NOL10: variants seen among roughly 807,000 people sequenced by gnomAD.
NOL10 encodes nucleolar protein 10, also known as H_NH0074G24.1.
NOL10 carries 58 observed loss-of-function variants against 103.5 expected under a neutral mutation model. The ratio of observed to expected loss-of-function variants is 0.56; its 90% CI spans 0.45 to 0.70. The LOEUF is 0.70. Among genes scored for constraint, NOL10 ranks in the 30% least tolerant of loss-of-function variants. NOL10 has a pLI of 0.00. For missense variants in NOL10, 763 were observed against 807.3 expected (o/e 0.95, Z 0.67); for synonymous variants, 287 against 282.5 (o/e 1.02, Z -0.16).
intron 3 of NOL10, among the ~76,000 whole-genome samples, chr2:10,676,467 C>T (rs1170363501): frequency 2.0e-5 from 3 of 152,186 alleles, no homozygotes; most frequent in Admixed American, 1.3e-4. Flanking sequence ...GGGAATATTA[C>T]ATAGCCCATA....
At position 10,607,224 on chromosome 2, in the gene NOL10, C is replaced by A. The variant is rs1676308396; in HGVS notation, c.1114G>T (p.Asp372Tyr). Residue 372 changes from aspartate (D) to tyrosine (Y), a missense_variant, in exon 14 of 21, where the codon GAT becomes TAT. Coordinates refer to ENST00000381685, the MANE Select transcript of NOL10 (RefSeq NM_024894.4). The part of the protein sequence containing the change: ...EENPESTVYD[D>Y]YKFVTKKDLE... Reference sequence around the variant, plus strand: ...TCTTTCTTGGTGACAAATTTATAATCATCATAGACTGTGCTTTCTGGATTC... The same window carrying A: ...TCTTTCTTGGTGACAAATTTATAATAATCATAGACTGTGCTTTCTGGATTC... 6.2e-7 allele frequency: 1 copy of A among 1,601,072 alleles called. No homozygotes were observed. The highest frequency in any genetic ancestry group is 1.1e-5 in the South Asian group (1 of 88,954).
intron 8 of NOL10, 58 bp downstream of exon 8, chr2:10,667,160 A>C: frequency 7.6e-7 from 1 of 1,308,602 alleles, no homozygotes; most frequent in Non-Finnish European, 1.1e-6. Context: ...TCTTTAAATA[A>C]AAATTCCAAT....
intron 13 of NOL10, among the ~76,000 whole-genome samples, chr2:10,621,608 T>C (rs1677153206): frequency 6.6e-6 from 1 of 151,856 alleles, no homozygotes; most frequent in Non-Finnish European, 1.5e-5. Flanking sequence ...ATAATAAAAA[T>C]AAAAATTAAC....
At chr2:10,590,772 AACTTACCTGTTC>A (rs1401335472) in intron 17 of NOL10, 2 of 152,242 alleles carry the variant, frequency 1.3e-5, no homozygotes, top group Non-Finnish European at 2.9e-5. Context: ...CTGTACTGTA[AACTTACCTGTTC>A]ACTTAAGTAG....
chr2:10,629,944 T>C (rs1677728692), intron 13 of NOL10, among the ~76,000 whole-genome samples: 1 of 152,176 alleles, frequency 6.6e-6, no homozygotes, highest in Admixed American at 6.5e-5. Context: ...CATACCACCA[T>C]GCCCAGCTAA....
intron 17 of NOL10, among the ~76,000 whole-genome samples, chr2:10,598,016 C>T (rs1159461609): frequency 6.6e-6 from 1 of 152,170 alleles, no homozygotes; most frequent in African/African-American, 2.4e-5. Flanking sequence ...CTGGAGATAA[C>T]AGAAAGGCAA....
At chr2:10,652,885 C>T (rs550147835) in intron 12 of NOL10, among the ~76,000 whole-genome samples, 7 of 152,282 alleles carry the variant, frequency 4.6e-5, no homozygotes, top group African/African-American at 1.2e-4. Flanking sequence ...AAGAATCCAC[C>T]GGGAAGTGTG....
Position 10,662,947 on chromosome 2 carries a change from A to T in NOL10, c.677+12T>A. ...TGATGAACATTTACATTGCAAATTA[A>T]TTTCTACTTACTCTGAATCTGCTGT... On this transcript the variant is annotated intron_variant, in intron 9 of 20. Coordinates refer to ENST00000381685, the MANE Select transcript of NOL10 (RefSeq NM_024894.4). The T allele has an allele frequency of 1.9e-6, 3 of 1,601,398 alleles. No homozygotes were observed. The highest frequency in any genetic ancestry group is 2.6e-6 in the Non-Finnish European group (3 of 1,168,878).
chr2:10,580,486 A>C (rs1674690638), intron 19 of NOL10, among the ~76,000 whole-genome samples: 1 of 152,086 alleles, frequency 6.6e-6, no homozygotes, highest in African/African-American at 2.4e-5. Flanking sequence ...ATCTAATTGG[A>C]ACAAGCAGAT....
At position 10,681,991 on chromosome 2, in the gene NOL10, C is replaced by A; in HGVS notation, c.191G>T (p.Gly64Val). The change falls in exon 3 of 21, where the codon GGA becomes GTA. Residue 64 changes from glycine (G) to valine (V), a missense_variant. Physicochemically the swap from Gly to Val is moderately radical, Grantham distance 109. Transcript: ENST00000381685. ...VCTTIKVSKD[G>V]QYILATGTYK... Reference sequence around the variant, plus strand: ...CTTACCAGTTGCTAAAATGTACTGTCCATCTTTTGACACCTTAATAGTGGT... The same window carrying A: ...CTTACCAGTTGCTAAAATGTACTGTACATCTTTTGACACCTTAATAGTGGT... 1 of 1,472,622 alleles carries A rather than the reference C, an allele frequency of 6.8e-7. No individual in the cohort carries two copies. Among genetic ancestry groups the A allele is most frequent in the Non-Finnish European group, 9.1e-7 (1 of 1,101,220 alleles). 91.2% of individuals were successfully genotyped at this position (1,472,622 alleles called of 1,614,324 possible). A position where few individuals can be genotyped will look rare whatever the true frequency, so the allele number is the denominator to read the frequency against.
Position 10,596,256 on chromosome 2 carries a change from T to C in NOL10, c.1422+4597A>G, listed in dbSNP as rs58633964. Among the ~76,000 whole-genome samples the C allele has an allele frequency of 7.1e-3, 142 of 19,920 alleles. 21 individuals carry two copies. The highest frequency in any genetic ancestry group is 0.021 in the African/African-American group (110 of 5,352). The allele number at this position is 19,920 out of a possible 152,430, so 13.1% of individuals were successfully genotyped here. On this transcript the variant is annotated intron_variant, in intron 17 of 20. Transcript: ENST00000381685. ...AAGACAAGTTTTCCACAGATGGTGGTGGGGGGCGGGGGGCGGGCGCGAGGG... is the reference window on the plus strand; with the variant it reads ...AAGACAAGTTTTCCACAGATGGTGGCGGGGGGCGGGGGGCGGGCGCGAGGG...
rs570702765 is a variant in NOL10, at chr2:10,660,720, G to C, written c.678-1470C>G. 3.9e-5 allele frequency among the ~76,000 whole-genome samples: 6 copies of C among 151,918 alleles called. No homozygotes were observed. The East Asian group carries it at 1.2e-3, about 29-fold the overall frequency. ...AGTGCTGACAAGGTCACTGATTTTT[G>C]AACATTTTATAACCAATTTATTTAA... On this transcript the variant is annotated intron_variant, in intron 9 of 20. Transcript: ENST00000381685.
At position 10,607,229 on chromosome 2, in the gene NOL10, T is replaced by C. The variant is rs761396603; in HGVS notation, c.1109A>G (p.Tyr370Cys). ...ELEENPESTV[Y>C]DDYKFVTKKD... Reference sequence around the variant, plus strand: ...CTTGGTGACAAATTTATAATCATCATAGACTGTGCTTTCTGGATTCTCTTC... The same window carrying C: ...CTTGGTGACAAATTTATAATCATCACAGACTGTGCTTTCTGGATTCTCTTC... Residue 370 changes from tyrosine to cysteine, a missense_variant, in exon 14 of 21, where the codon TAT (tyrosine) becomes TGT (cysteine). Physicochemically the swap from Tyr to Cys is radical, Grantham distance 194 (BLOSUM62 -2). Coordinates refer to ENST00000381685, the MANE Select transcript of NOL10 (RefSeq NM_024894.4). The C allele has an allele frequency of 4.4e-6, 7 of 1,607,600 alleles. No individual in the cohort carries two copies. The Admixed American group carries it at 5.1e-5, about 12-fold the overall frequency.
intron 6 of NOL10, among the ~76,000 whole-genome samples, chr2:10,671,274 T>A (rs1179564514): frequency 6.6e-6 from 1 of 152,202 alleles, no homozygotes. Flanking sequence ...ATGAGGCACA[T>A]AACTATCACA....
chr2:10,665,722 A>C (rs995614115), intron 8 of NOL10, among the ~76,000 whole-genome samples: 20 of 152,214 alleles, frequency 1.3e-4, no homozygotes, highest in African/African-American at 4.8e-4. Flanking sequence ...TTTCTCAGGG[A>C]AACTCTTGTA....
At chr2:10,675,895 A>C (rs1224045588) in intron 3 of NOL10, 24 bp from the exon 4 acceptor site, 22 of 1,318,580 alleles carry the variant, frequency 1.7e-5, no homozygotes, top group African/African-American at 2.9e-5. Context: ...ATGTGATGTA[A>C]AACCTAAAGA....
intron 13 of NOL10, among the ~76,000 whole-genome samples, chr2:10,638,780 A>C: frequency 1.6e-5 from 2 of 121,358 alleles, no homozygotes; most frequent in Admixed American, 9.4e-5. Context: ...CGTTTGAGCC[A>C]CCGTGCCTGG....
At position 10,607,266 on chromosome 2, in the gene NOL10, T is replaced by A. The variant is rs201230711; in HGVS notation, c.1072A>T (p.Thr358Ser). Residue 358 changes from threonine (T) to serine (S), a missense_variant, in exon 14 of 21, where the codon ACC becomes TCC. Coordinates refer to ENST00000381685, the MANE Select transcript of NOL10 (RefSeq NM_024894.4). ...TCTGGATTCTCTTCTAATTCTTCGG[T>A]CAAGTTGTCTAAGAAGGAACACCAC... Reference protein sequence around the residue: ...PRWCSFLDNLTEELEENPEST... With the variant: ...PRWCSFLDNLSEELEENPEST... 1.7e-4 allele frequency: 266 copies of A among 1,609,734 alleles called. No homozygotes were observed. In the Middle Eastern group the frequency reaches 2.5e-3, roughly 15 times the overall value.
intron 3 of NOL10, among the ~76,000 whole-genome samples, chr2:10,680,149 C>A (rs938703460): frequency 1.3e-5 from 2 of 151,964 alleles, no homozygotes; most frequent in Non-Finnish European, 1.5e-5. Flanking sequence ...TGGTGGCGAG[C>A]ACCTGTAGTC....
Sources: allele counts gnomAD v4.1 joint callset (sites outside exome capture counted in the v4.1 genomes callset), GRCh38; gene constraint gnomAD v4.1.1; transcripts MANE v1.5; gene names NCBI Gene and HGNC (gene_info 2026-07-23, HGNC 2026-07-21).